Variants in BBS4 observed in about 807,000 individuals in gnomAD.
BBS4 encodes the protein BBSome complex member BBS4.
In BBS4, 58 loss-of-function variants were observed where a neutral mutation model predicts 71.4. The observed-to-expected ratio is 0.81, with a 90% confidence interval of 0.66 to 1.01. BBS4 has a LOEUF of 1.01. Among genes scored for constraint, BBS4 ranks in the 50% least tolerant of loss-of-function variants. The probability of loss-of-function intolerance (pLI) is 0.00; values close to 1 mark genes in which losing one functional copy is unlikely to be tolerated. For synonymous variants in BBS4, 228 were observed against 216.8 expected, an observed-to-expected ratio of 1.05 and a Z score of -0.46; for missense variants, 660 against 607.9, an observed-to-expected ratio of 1.09 and a Z score of -0.90.
At chr15:72,721,410 A>G (rs1320102260) in intron 6 of BBS4, among the ~76,000 whole-genome samples, 15 of 152,168 alleles carry the variant, frequency 9.9e-5, no homozygotes, top group Non-Finnish European at 2.2e-4. Flanking sequence ...CAGGATGATT[A>G]GTACCTAATT....
chr15:72,722,074 G>T (rs1455483276), intron 6 of BBS4, among the ~76,000 whole-genome samples: 2 of 152,156 alleles, frequency 1.3e-5, no homozygotes, highest in Non-Finnish European at 2.9e-5. Flanking sequence ...AGACTCTGTT[G>T]CAACGACTTA....
intron 6 of BBS4, 80 bp from the exon 7 acceptor site, chr15:72,722,714 C>A: frequency 2.3e-6 from 3 of 1,310,418 alleles, no homozygotes; most frequent in Admixed American, 1.7e-5. Flanking sequence ...CAATAACAAT[C>A]TCTAGATGTC....
chr15:72,736,238 C>CTTTTTTT (rs35502034), intron 14 of BBS4, among the ~76,000 whole-genome samples: 2 of 113,468 alleles, frequency 1.8e-5, no homozygotes, highest in Non-Finnish European at 3.5e-5. Flanking sequence ...TTCTATTTCA[C>CTTTTTTT]TTTTTTTTTT....
In BBS4 at chr15:72,716,791, A is replaced by T. The variant is rs1195131327; in HGVS notation, c.346A>T (p.Lys116Ter). ...TATCTTTTACAGATTTCTTTTGGGA[A>T]AACATAAAGCTGCCATTGAAGTATA... ...QVARSLFLLGKHKAAIEVYNE... is the reference protein window; with the variant it reads ...QVARSLFLLG The change falls in exon 6 of 16, where the codon AAA becomes TAA. Residue 116 changes from lysine to a stop codon, truncating the protein, a stop_gained. Coordinates refer to ENST00000268057, the MANE Select transcript of BBS4 (RefSeq NM_033028.5). LOFTEE classifies it high-confidence loss of function. 6.2e-7 allele frequency: 1 copy of T among 1,609,070 alleles called. No homozygotes were observed. Among genetic ancestry groups the T allele is most frequent in the South Asian group, 1.1e-5 (1 of 90,502 alleles).
rs192812230 is a variant in BBS4, at chr15:72,738,278, G to A, written c.*691G>A. Reference sequence around the variant, plus strand: ...AGGGCTTGTCTGGATCAGCACCAACGATTTTAAAGAAAAAAGGAAGAGTTT... The same window carrying A: ...AGGGCTTGTCTGGATCAGCACCAACAATTTTAAAGAAAAAAGGAAGAGTTT... On this transcript the variant is annotated 3_prime_UTR_variant, in exon 16 of 16. Coordinates refer to ENST00000268057, the MANE Select transcript of BBS4 (RefSeq NM_033028.5). The A allele has an allele frequency of 2.0e-3, 927 of 453,954 alleles. 13 individuals are homozygous for A. Among genetic ancestry groups the A allele is most frequent in the South Asian group, 8.1e-3 (520 of 64,456 alleles). 28.1% of individuals were successfully genotyped at this position (453,954 alleles called of 1,614,324 possible).
chr15:72,706,916 A>G (rs2065273457), intron 2 of BBS4, among the ~76,000 whole-genome samples: 1 of 152,052 alleles, frequency 6.6e-6, no homozygotes, highest in Non-Finnish European at 1.5e-5. Context: ...TCTGGGCTCA[A>G]CTGATCCTCC....
In BBS4 at chr15:72,729,851, A is replaced by T. The variant is rs529136622; in HGVS notation, c.711+167A>T. Among the ~76,000 whole-genome samples the T allele has an allele frequency of 5.9e-5, 9 of 152,348 alleles. No individual in the cohort carries two copies. In the South Asian group the frequency reaches 1.9e-3, roughly 32 times the overall value. ...TTCTTATTTGAAAATAGTGTCAAGT[A>T]TGCTCTACTTATCTTCTAAAAGTGC... On this transcript the variant is annotated intron_variant, in intron 10 of 15. Transcript: ENST00000268057.
At chr15:72,708,771 A>G (rs771073971) in intron 2 of BBS4, among the ~76,000 whole-genome samples, 1 of 152,154 alleles carries the variant, frequency 6.6e-6, no homozygotes, top group African/African-American at 2.4e-5. Context: ...GGAGGTCTAT[A>G]GGGCATGTCT....
rs375951421 is a variant in BBS4 at position 72,715,420 on chromosome 15, G to A, written c.332+18G>A. ...AGATCTTTGTGAGTATTGGCAACCT[G>A]GAGGCCCTAGGGCACTCACAGAGAA... On this transcript the variant is annotated intron_variant, in intron 5 of 15. Transcript: ENST00000268057. 6.5e-7 allele frequency: 1 copy of A among 1,539,056 alleles called. No individual in the cohort carries two copies. The highest frequency in any genetic ancestry group is 1.4e-5 in the African/African-American group (1 of 73,302).
intron 1 of BBS4, chr15:72,686,507 T>C: frequency 1.3e-6 from 2 of 1,517,914 alleles, no homozygotes; most frequent in Non-Finnish European, 1.8e-6. Context: ...AGGGAGACTT[T>C]TCACCAGTAA....
In BBS4 at chr15:72,695,129, C is replaced by T. The variant is rs372573159; in HGVS notation, c.25-48C>T. 3 of 1,348,910 alleles carry T rather than the reference C, an allele frequency of 2.2e-6. No individual in the cohort carries two copies. The East Asian group carries it at 6.9e-5, about 31-fold the overall frequency. The allele number at this position is 1,348,910 out of a possible 1,614,324, so 83.6% of individuals were successfully genotyped here. Reference sequence around the variant, plus strand: ...TTATTTGGATGCTTCTTTAAGTTAGCAAGTTTATATTGTGGTGCTTCAATA... The same window carrying T: ...TTATTTGGATGCTTCTTTAAGTTAGTAAGTTTATATTGTGGTGCTTCAATA... On this transcript the variant is annotated intron_variant, in intron 1 of 15. Transcript: ENST00000268057.
chr15:72,720,068 T>G (rs2065540706), intron 6 of BBS4, among the ~76,000 whole-genome samples: 1 of 151,974 alleles, frequency 6.6e-6, no homozygotes, highest in Admixed American at 6.6e-5. Flanking sequence ...TTAAAATTTT[T>G]CTTTAAAATT....
chr15:72,713,810 T>C (rs1165310607), intron 4 of BBS4, among the ~76,000 whole-genome samples: 2 of 152,184 alleles, frequency 1.3e-5, no homozygotes, highest in African/African-American at 2.4e-5. Flanking sequence ...GTGATCATCA[T>C]CATTTATACA....
chr15:72,695,483 C>T (rs1053348587), intron 2 of BBS4, among the ~76,000 whole-genome samples: 6 of 152,114 alleles, frequency 3.9e-5, no homozygotes, highest in African/African-American at 1.4e-4. Context: ...GATGAGGTTT[C>T]ACTGTGTTTG....
chr15:72,722,923 T>C (rs2065603429), intron 7 of BBS4, 76 bp downstream of exon 7: 1 of 1,286,094 alleles, frequency 7.8e-7, no homozygotes, highest in Admixed American at 1.7e-5. Flanking sequence ...TCATTTGGTA[T>C]TATCCCTAGT....
chr15:72,703,436 C>G (rs1029838354), intron 2 of BBS4, among the ~76,000 whole-genome samples: 4 of 152,126 alleles, frequency 2.6e-5, no homozygotes, highest in South Asian at 4.1e-4. Context: ...ATGAAAATGT[C>G]TTACATTTAT....
intron 1 of BBS4, among the ~76,000 whole-genome samples, chr15:72,691,848 T>A (rs1478718632): frequency 1.3e-5 from 2 of 151,514 alleles, no homozygotes; most frequent in African/African-American, 4.9e-5. Flanking sequence ...CTGTAGTCCC[T>A]GCTACTCGGG....
At chr15:72,692,741 C>T (rs991050316) in intron 1 of BBS4, among the ~76,000 whole-genome samples, 1 of 151,890 alleles carries the variant, frequency 6.6e-6, no homozygotes, top group African/African-American at 2.4e-5. Context: ...ACTAAGGGCA[C>T]CTGCCACTAT....
chr15:72,738,098 A>AAAAAAACAAAAGCCCTGGAAGTT lies in BBS4; in HGVS notation c.*512_*534dup. On this transcript the variant is annotated 3_prime_UTR_variant, in exon 16 of 16. Coordinates refer to ENST00000268057, the MANE Select transcript of BBS4 (RefSeq NM_033028.5). ...ACTTTAATAGTATACATTTAAAAGA[A>AAAAAAACAAAAGCCCTGGAAGTT]AAAAAACAAAAGCCCTGGAAGTTGA... 2.2e-6 allele frequency: 1 copy of AAAAAAACAAAAGCCCTGGAAGTT among 453,064 alleles called. No homozygotes were observed. The highest frequency in any genetic ancestry group is 1.6e-5 in the South Asian group (1 of 64,206). 28.1% of individuals were successfully genotyped at this position (453,064 alleles called of 1,614,324 possible).
Sources: allele counts gnomAD v4.1 joint callset (sites outside exome capture counted in the v4.1 genomes callset), GRCh38; gene constraint gnomAD v4.1.1; transcripts MANE v1.5; gene names NCBI Gene and HGNC (gene_info 2026-07-23, HGNC 2026-07-21).